Variants in TBC1D5 observed in about 807,000 individuals in gnomAD.
The protein encoded by TBC1D5 is TBC1 domain family, member 5.
In TBC1D5, 75 loss-of-function variants were observed where a neutral mutation model predicts 100.3. That is an observed-to-expected ratio of 0.75 (90% CI 0.62 to 0.91). The LOEUF (loss-of-function observed/expected upper bound fraction) is 0.91. Ranked by LOEUF, TBC1D5 falls within the 40% of genes least tolerant of loss-of-function variation. The pLI is 0.00. For missense variants in TBC1D5, 910 were observed against 942.4 expected (o/e 0.97, Z 0.45); for synonymous variants, 323 against 325.6 (o/e 0.99, Z 0.09).
chr3:17,544,650 G>GAAA (rs11294217), intron 2 of TBC1D5, among the ~76,000 whole-genome samples: 2 of 86,264 alleles, frequency 2.3e-5, no homozygotes, highest in African/African-American at 4.3e-5. Flanking sequence ...GACTCCGTCT[G>GAAA]AAAAAAAAAA....
chr3:17,524,955 T>A (rs1338413273), intron 2 of TBC1D5, among the ~76,000 whole-genome samples: 1 of 150,926 alleles, frequency 6.6e-6, no homozygotes, highest in Admixed American at 6.6e-5. Flanking sequence ...AAAAAAAAAA[T>A]ATGTACACAG....
rs573205746 is a variant in TBC1D5, at chr3:17,632,665, C to A, written c.-100-8752G>T. Among the ~76,000 whole-genome samples, 16 of 152,266 alleles carry A rather than the reference C, an allele frequency of 1.1e-4. 1 individual carries two copies. The South Asian group carries it at 3.1e-3, about 30-fold the overall frequency. On this transcript the variant is annotated intron_variant, in intron 1 of 21. Coordinates refer to ENST00000253692, the Ensembl canonical transcript of TBC1D5. ...CCACCCTGATGAGTCAGCAGACATCCACACTGACTGACCCACAACCAGCAA... is the reference window on the plus strand; with the variant it reads ...CCACCCTGATGAGTCAGCAGACATCAACACTGACTGACCCACAACCAGCAA...
At chr3:17,355,842 T>A (rs889434890) in intron 13 of TBC1D5, among the ~76,000 whole-genome samples, 11 of 152,208 alleles carry the variant, frequency 7.2e-5, no homozygotes, top group African/African-American at 2.6e-4. Flanking sequence ...TATGCAATAC[T>A]TTCTGAGGTC....
exon 22 of TBC1D5, chr3:17,160,359 G>C (rs1373142707): frequency 1.3e-5 from 2 of 152,272 alleles, no homozygotes; most frequent in African/African-American, 2.4e-5. Flanking sequence ...ACTTTGAGAG[G>C]TCAGTAATGA....
At chr3:17,235,023 G>A (rs1344798684) in intron 17 of TBC1D5, among the ~76,000 whole-genome samples, 2 of 152,050 alleles carry the variant, frequency 1.3e-5, no homozygotes, top group Non-Finnish European at 2.9e-5. Flanking sequence ...TGATAATGGC[G>A]TGCCTACTTT....
chr3:17,510,101 A>T (rs963658439), intron 2 of TBC1D5, among the ~76,000 whole-genome samples: 121 of 152,104 alleles, frequency 8.0e-4, no homozygotes, highest in East Asian at 1.9e-4. Context: ...AAAAGAGGAA[A>T]TAAGAGAAAA....
chr3:17,614,689 G>A (rs1041764482), intron 2 of TBC1D5, among the ~76,000 whole-genome samples: 1 of 152,152 alleles, frequency 6.6e-6, no homozygotes, highest in African/African-American at 2.4e-5. Flanking sequence ...CTGTTTGTCT[G>A]TTACGGGTGT....
At chr3:17,301,647 A>G (rs2082854081) in intron 14 of TBC1D5, among the ~76,000 whole-genome samples, 2 of 152,248 alleles carry the variant, frequency 1.3e-5, no homozygotes, top group South Asian at 2.1e-4. Context: ...AAAATAGAGT[A>G]TGACTAATGT....
chr3:17,614,225 G>A (rs2061930856), intron 2 of TBC1D5, among the ~76,000 whole-genome samples: 1 of 152,192 alleles, frequency 6.6e-6, no homozygotes, highest in Non-Finnish European at 1.5e-5. Context: ...TGAGGCCTCT[G>A]TTATGTTCCA....
chr3:17,699,145 A>G (rs2072688153), intron 1 of TBC1D5, among the ~76,000 whole-genome samples: 1 of 137,576 alleles, frequency 7.3e-6, no homozygotes, highest in South Asian at 2.6e-4. Flanking sequence ...AACCAACCCA[A>G]ATGTCCAACA....
intron 2 of TBC1D5, among the ~76,000 whole-genome samples, chr3:17,554,569 AGGAACATGT>A (rs2153457107): frequency 6.6e-6 from 1 of 152,340 alleles, no homozygotes; most frequent in Non-Finnish European, 1.5e-5. Context: ...TGTTATGCTC[AGGAACATGT>A]TCTAGAAAAC....
At chr3:17,577,314 T>C (rs767628036) in intron 2 of TBC1D5, among the ~76,000 whole-genome samples, 1 of 152,012 alleles carries the variant, frequency 6.6e-6, no homozygotes, top group Non-Finnish European at 1.5e-5. Context: ...ATTTACATCT[T>C]AGTACTTTAA....
intron 2 of TBC1D5, among the ~76,000 whole-genome samples, chr3:17,610,180 G>A (rs547623716): frequency 1.2e-4 from 19 of 152,100 alleles, no homozygotes; most frequent in East Asian, 1.2e-3. Flanking sequence ...CTCATCTGGC[G>A]TCTCTTCCCA....
At chr3:17,316,098 T>C (rs1204562518) in intron 13 of TBC1D5, among the ~76,000 whole-genome samples, 1 of 152,208 alleles carries the variant, frequency 6.6e-6, no homozygotes. Context: ...CTTATCTGGG[T>C]CAGAGTTCTG....
chr3:17,245,288 T>C (rs879860914), intron 16 of TBC1D5, among the ~76,000 whole-genome samples: 2 of 152,252 alleles, frequency 1.3e-5, no homozygotes, highest in African/African-American at 2.4e-5. Flanking sequence ...TCAAATTTAC[T>C]TCAATGAAAG....
At chr3:17,546,884 T>C (rs996100741) in intron 2 of TBC1D5, 2 of 152,202 alleles carry the variant, frequency 1.3e-5, no homozygotes, top group Non-Finnish European at 2.9e-5. Context: ...CTTCAAACAT[T>C]ATTAATGTGC....
At chr3:17,491,618 G>A (rs1168574917) in intron 3 of TBC1D5, among the ~76,000 whole-genome samples, 1 of 152,154 alleles carries the variant, frequency 6.6e-6, no homozygotes, top group East Asian at 1.9e-4. Flanking sequence ...TTATTGACTT[G>A]CATATGCTGA....
chr3:17,325,903 T>C (rs1263136575), intron 13 of TBC1D5, among the ~76,000 whole-genome samples: 1 of 152,036 alleles, frequency 6.6e-6, no homozygotes, highest in African/African-American at 2.4e-5. Flanking sequence ...TACAGGAAAA[T>C]TAAGTGACAA....
intron 2 of TBC1D5, among the ~76,000 whole-genome samples, chr3:17,521,895 A>C (rs1440982629): frequency 6.6e-6 from 1 of 152,258 alleles, no homozygotes; most frequent in East Asian, 1.9e-4. Flanking sequence ...TCCATATTAA[A>C]ATGGCCAATT....
Sources: allele counts gnomAD v4.1 joint callset (sites outside exome capture counted in the v4.1 genomes callset), GRCh38; gene constraint gnomAD v4.1.1; transcripts MANE v1.5; gene names NCBI Gene and HGNC (gene_info 2026-07-23, HGNC 2026-07-21).